Variants in CDKL5 observed in about 807,000 individuals in gnomAD.
The protein encoded by CDKL5 is cyclin dependent kinase like 5.
A neutral mutation model predicts 61.7 loss-of-function variants in CDKL5; 8 were observed. The observed-to-expected ratio is 0.13, with a 90% CI of 0.08 to 0.23. CDKL5 has a LOEUF of 0.23. Among genes scored for constraint, CDKL5 ranks in the 10% least tolerant of loss-of-function variants. The pLI, the probability that CDKL5 is intolerant of heterozygous loss-of-function variation, is 1.00. For missense variants in CDKL5, 440 were observed against 734.5 expected (o/e 0.60, Z 4.63); for synonymous variants, 275 against 272.3 (o/e 1.01, Z -0.10).
rs1213801791 is a variant in CDKL5, at chrX:18,638,411, A to G, written c.*9654A>G. Reference sequence around the variant, plus strand: ...AAAAGTAAATATGTTAAAATAAGGTAAGAGTGAGTTTTTCCTACACTATGT... The same window carrying G: ...AAAAGTAAATATGTTAAAATAAGGTGAGAGTGAGTTTTTCCTACACTATGT... On this transcript the variant is annotated 3_prime_UTR_variant, in exon 18 of 18. Transcript: ENST00000623535. 8.9e-6 allele frequency: 1 copy of G among 112,406 alleles called. No homozygotes were observed. Among genetic ancestry groups the G allele is most frequent in the Non-Finnish European group, 1.9e-5 (1 of 53,332 alleles). The allele number at this position is 112,406 out of a possible 1,213,427, so 9.3% of individuals were successfully genotyped here.
chrX:18,556,512 C>A (rs969267584), intron 3 of CDKL5, among the ~76,000 whole-genome samples: 1 of 111,334 alleles, frequency 9.0e-6, no homozygotes, highest in African/African-American at 3.3e-5. Context: ...AACTCAGTAT[C>A]CTCATCTGTA....
chrX:18,583,398 C>T (rs1036369450), intron 7 of CDKL5, among the ~76,000 whole-genome samples: 1 of 111,850 alleles, frequency 8.9e-6, no homozygotes, highest in Non-Finnish European at 1.9e-5. Flanking sequence ...ACAAATATTT[C>T]TTCAAAGCGT....
chrX:18,437,895 C>A (rs1931644225), intron 1 of CDKL5, among the ~76,000 whole-genome samples: 1 of 111,785 alleles, frequency 8.9e-6, no homozygotes, highest in African/African-American at 3.2e-5. Context: ...TCATTCAAGT[C>A]TTTCTTGGTG....
chrX:18,628,793 C>T lies in CDKL5; in HGVS notation c.*36C>T. On this transcript the variant is annotated 3_prime_UTR_variant, in exon 18 of 18. Coordinates refer to ENST00000623535, the MANE Select transcript of CDKL5 (RefSeq NM_001323289.2). ...TAGGGGGGAGGGGTGGACAGACAAG[C>T]CAGTGGGGAGGGGTGGGAAAGGGTG... 1 of 970,550 alleles carries T rather than the reference C, an allele frequency of 1.0e-6. No individual in the cohort carries two copies. The highest frequency in any genetic ancestry group is 3.7e-5 in the South Asian group (1 of 27,288). The allele number at this position is 970,550 out of a possible 1,213,427, so 80.0% of individuals were successfully genotyped here.
intron 1 of CDKL5, among the ~76,000 whole-genome samples, chrX:18,438,803 A>G (rs751004760): frequency 1.8e-5 from 2 of 109,006 alleles, no homozygotes; most frequent in East Asian, 5.8e-4. Flanking sequence ...AAAAAAAAAA[A>G]AAAAAAGACA....
chrX:18,438,583 G>A (rs1931660876), intron 1 of CDKL5, among the ~76,000 whole-genome samples: 1 of 106,237 alleles, frequency 9.4e-6, no homozygotes. Flanking sequence ...GAGGTCAGGA[G>A]TTCAAGACCA....
rs12009793 is a variant in CDKL5 at position 18,629,176 on chromosome X, G to C, written c.*419G>C. On this transcript the variant is annotated 3_prime_UTR_variant, in exon 18 of 18. Coordinates refer to ENST00000623535, the MANE Select transcript of CDKL5 (RefSeq NM_001323289.2). Reference sequence around the variant, plus strand: ...TACTACATATTTTTTTCTGCCTAGAGTAAATGTGGGGTTTATTGTAATCCA... The same window carrying C: ...TACTACATATTTTTTTCTGCCTAGACTAAATGTGGGGTTTATTGTAATCCA... 0.015 allele frequency: 11,324 copies of C among 760,723 alleles called. 367 individuals are homozygous for C. The East Asian group carries it at 0.19, about 12-fold the overall frequency. The allele number at this position is 760,723 out of a possible 1,213,427, so 62.7% of individuals were successfully genotyped here.
chrX:18,521,819 C>T (rs185803660), intron 3 of CDKL5, among the ~76,000 whole-genome samples: 98 of 112,237 alleles, frequency 8.7e-4, no homozygotes, highest in African/African-American at 2.9e-3. Flanking sequence ...TTTACTGGTG[C>T]TAGCACCCTT....
At chrX:18,610,170 T>C in intron 14 of CDKL5, among the ~76,000 whole-genome samples, 1 of 108,410 alleles carries the variant, frequency 9.2e-6, no homozygotes, top group East Asian at 3.0e-4. Context: ...CTCTAGGATG[T>C]CATTCCAGAC....
At chrX:18,483,462 G>A (rs1258375222) in intron 1 of CDKL5, among the ~76,000 whole-genome samples, 2 of 110,326 alleles carry the variant, frequency 1.8e-5, no homozygotes, top group Non-Finnish European at 3.8e-5. Flanking sequence ...CTGTTGCCCA[G>A]GCTGGAGTGC....
chrX:18,504,937 A>C (rs1334732737), intron 1 of CDKL5, among the ~76,000 whole-genome samples: 1 of 109,861 alleles, frequency 9.1e-6, no homozygotes, highest in African/African-American at 3.3e-5. Context: ...CGTCTCAAAA[A>C]AAAAAAAAAA....
At chrX:18,508,618 G>A (rs1408873946) in intron 2 of CDKL5, among the ~76,000 whole-genome samples, 1 of 110,009 alleles carries the variant, frequency 9.1e-6, no homozygotes, top group Non-Finnish European at 1.9e-5. Context: ...ATCATAACTA[G>A]TTTTTCTCAT....
At chrX:18,484,547 A>G (rs1038852329) in intron 1 of CDKL5, among the ~76,000 whole-genome samples, 2 of 109,883 alleles carry the variant, frequency 1.8e-5, no homozygotes, top group African/African-American at 6.6e-5. Flanking sequence ...CGAATTCCTG[A>G]CCTCAAGTGA....
intron 3 of CDKL5, among the ~76,000 whole-genome samples, chrX:18,538,858 G>T (rs1184345220): frequency 8.9e-6 from 1 of 112,149 alleles, no homozygotes; most frequent in Non-Finnish European, 1.9e-5. Flanking sequence ...TGAGCTTGCA[G>T]ATTTCTTTTA....
intron 1 of CDKL5, among the ~76,000 whole-genome samples, chrX:18,480,560 T>C (rs768242485): frequency 4.5e-5 from 5 of 111,760 alleles, no homozygotes; most frequent in African/African-American, 1.6e-4. Context: ...TGGAGTTATG[T>C]TCCACCTTAT....
rs939609819 is a variant in CDKL5 at position 18,542,319 on chromosome X, C to A, written c.100-22158C>A. On this transcript the variant is annotated intron_variant, in intron 3 of 17. Coordinates refer to ENST00000623535, the MANE Select transcript of CDKL5 (RefSeq NM_001323289.2). ...TTGGCCTCCACTGACACCAGCCTGG[C>A]GGGGGATTAGACATGTTCTCTTCGC... Among the ~76,000 whole-genome samples, 12 of 111,651 alleles carry A rather than the reference C, an allele frequency of 1.1e-4. 1 individual carries two copies. In the South Asian group the frequency reaches 1.5e-3, roughly 14 times the overall value.
At chrX:18,430,951 C>T (rs1931470434) in intron 1 of CDKL5, among the ~76,000 whole-genome samples, 1 of 108,978 alleles carries the variant, frequency 9.2e-6, no homozygotes, top group African/African-American at 3.3e-5. Context: ...AACCTCCGCC[C>T]CCCAGGTTCA....
intron 3 of CDKL5, among the ~76,000 whole-genome samples, chrX:18,554,066 T>TA (rs1569208336): frequency 2.2e-4 from 22 of 98,835 alleles, no homozygotes; most frequent in African/African-American, 7.0e-4. Flanking sequence ...ATATATATAT[T>TA]TTTTTTTTTC....
chrX:18,461,798 G>T (rs1358159080), intron 1 of CDKL5, among the ~76,000 whole-genome samples: 1 of 112,336 alleles, frequency 8.9e-6, no homozygotes. Context: ...AGACCAATGA[G>T]AATGAATCTC....
Sources: gnomAD v4.1 joint callset for allele counts (sites outside exome capture counted in the v4.1 genomes callset) on GRCh38, gnomAD v4.1.1 for gene constraint, MANE v1.5 for transcripts, NCBI Gene and HGNC (gene_info 2026-07-23, HGNC 2026-07-21) for gene names.